The following GARRE1 variants were observed in gnomAD, a reference collection of about 807,000 sequenced individuals.
The protein encoded by GARRE1 is granule associated Rac and RHOG effector protein 1.
A neutral mutation model predicts 103.2 loss-of-function variants in GARRE1; 49 were observed. The observed-to-expected ratio is 0.47, with a 90% CI of 0.38 to 0.60. GARRE1 has a LOEUF of 0.60. Among genes scored for constraint, GARRE1 ranks in the 20% least tolerant of loss-of-function variants. GARRE1 has a pLI of 0.00. For synonymous variants in GARRE1, 505 were observed against 532.8 expected, an observed-to-expected ratio of 0.95 and a Z score of 0.72; for missense variants, 1,199 against 1,370.5, an observed-to-expected ratio of 0.87 and a Z score of 1.98.
At chr19:34,325,495 T>C (rs1259356776) in intron 3 of GARRE1, among the ~76,000 whole-genome samples, 1 of 152,184 alleles carries the variant, frequency 6.6e-6, no homozygotes. Context: ...TCCTTCAGCA[T>C]TTCCGTCATG....
At chr19:34,283,798 A>G (rs1180155240) in intron 1 of GARRE1, among the ~76,000 whole-genome samples, 1 of 149,888 alleles carries the variant, frequency 6.7e-6, no homozygotes, top group Non-Finnish European at 1.5e-5. Flanking sequence ...ATCCTCTAAT[A>G]CTGAGTCTTC....
rs200784438 is a variant in GARRE1 at position 34,339,988 on chromosome 19, G to A, written c.1483G>A (p.Gly495Arg). The A allele has an allele frequency of 2.2e-5, 35 of 1,614,188 alleles. No homozygotes were observed. In the African/African-American group the frequency reaches 3.9e-4, roughly 18 times the overall value. The change falls in exon 9 of 14, where the codon GGA (glycine) becomes AGA (arginine). Residue 495 changes from glycine (G) to arginine (R), a missense_variant. Physicochemically the swap from Gly to Arg is moderately radical, Grantham distance 125. Transcript: ENST00000299505. ...GCTGGACCTAAACCGCTGGAGGGCTGGAAGGTTGGTGTCTGTGGTTTGCAT... is the reference window on the plus strand; with the variant it reads ...GCTGGACCTAAACCGCTGGAGGGCTAGAAGGTTGGTGTCTGTGGTTTGCAT... ...AVLDLNRWRA[G>R]REQALPCIQI... is the part of the protein sequence containing the mutation.
intron 1 of GARRE1, among the ~76,000 whole-genome samples, chr19:34,296,995 T>G (rs920808427): frequency 5.9e-5 from 9 of 151,986 alleles, no homozygotes; most frequent in Non-Finnish European, 1.0e-4. Context: ...AAAAGGTAAT[T>G]GAAATTTTGA....
chr19:34,304,360 C>T (rs1485574031), intron 2 of GARRE1, among the ~76,000 whole-genome samples: 5 of 149,970 alleles, frequency 3.3e-5, no homozygotes, highest in Admixed American at 6.7e-5. Context: ...CCACCGTGCT[C>T]GGCCATCTTT....
At chr19:34,296,779 C>G (rs969418550) in intron 1 of GARRE1, among the ~76,000 whole-genome samples, 1 of 152,152 alleles carries the variant, frequency 6.6e-6, no homozygotes, top group African/African-American at 2.4e-5. Flanking sequence ...GCACCTAGAA[C>G]TGGAACCCTC....
At chr19:34,273,797 C>T (rs1362842429) in intron 1 of GARRE1, among the ~76,000 whole-genome samples, 2 of 152,062 alleles carry the variant, frequency 1.3e-5, no homozygotes, top group African/African-American at 4.8e-5. Context: ...TGAGAGTGAG[C>T]CAAGAGAGCT....
intron 5 of GARRE1, 50 bp downstream of exon 5, chr19:34,327,916 A>T: frequency 6.2e-7 from 1 of 1,613,028 alleles, no homozygotes; most frequent in Non-Finnish European, 8.5e-7. Flanking sequence ...CTGCTCCTGC[A>T]GTCTAGTGTG....
At chr19:34,319,773 T>G in intron 2 of GARRE1, 134 bp from the exon 3 acceptor site, 1 of 744,838 alleles carries the variant, frequency 1.3e-6, no homozygotes, top group Non-Finnish European at 2.3e-6. Flanking sequence ...TGAAGCATGG[T>G]GGCCTTTTAA....
chr19:34,315,571 C>T (rs2074056117), intron 2 of GARRE1, among the ~76,000 whole-genome samples: 1 of 151,956 alleles, frequency 6.6e-6, no homozygotes, highest in African/African-American at 2.4e-5. Context: ...ATTAGCCTGG[C>T]GTGGTGGTGG....
chr19:34,266,004 T>C (rs1028198410), intron 1 of GARRE1, among the ~76,000 whole-genome samples: 1 of 152,196 alleles, frequency 6.6e-6, no homozygotes, highest in African/African-American at 2.4e-5. Flanking sequence ...TTCTTTGTAT[T>C]GGAGCATCTA....
At chr19:34,309,064 A>G (rs114166573) in intron 2 of GARRE1, among the ~76,000 whole-genome samples, 1 of 143,280 alleles carries the variant, frequency 7.0e-6, no homozygotes, top group Admixed American at 7.4e-5. Context: ...ATAATATTCT[A>G]CTTCTCCCTC....
At chr19:34,296,690 G>C in intron 1 of GARRE1, 1 of 817,298 alleles carries the variant, frequency 1.2e-6, no homozygotes, top group Non-Finnish European at 2.0e-6. Context: ...TAGCATTTCT[G>C]TGCCATTTTC....
intron 1 of GARRE1, among the ~76,000 whole-genome samples, chr19:34,263,363 G>GT (rs1327181610): frequency 2.0e-5 from 3 of 152,006 alleles, no homozygotes; most frequent in African/African-American, 7.2e-5. Context: ...AGAAACAGTG[G>GT]TTGTTTTTGG....
intron 2 of GARRE1, among the ~76,000 whole-genome samples, chr19:34,312,052 G>A (rs983340357): frequency 1.3e-5 from 2 of 152,102 alleles, no homozygotes; most frequent in Non-Finnish European, 2.9e-5. Context: ...CTGGGCTTAA[G>A]CGATCCTCCT....
intron 1 of GARRE1, among the ~76,000 whole-genome samples, chr19:34,295,193 G>T (rs889062816): frequency 3.9e-5 from 6 of 152,138 alleles, no homozygotes; most frequent in Non-Finnish European, 8.8e-5. Context: ...CAGTCTTCTG[G>T]TCTTCAATGT....
At chr19:34,258,002 GC>G (rs1248944840) in intron 1 of GARRE1, among the ~76,000 whole-genome samples, 1 of 150,470 alleles carries the variant, frequency 6.6e-6, no homozygotes, top group African/African-American at 2.4e-5. Context: ...CGAGTCTCCT[GC>G]CTCAGCCTCC....
At chr19:34,307,762 G>GTA (rs1221514320) in intron 2 of GARRE1, among the ~76,000 whole-genome samples, 10 of 125,698 alleles carry the variant, frequency 8.0e-5, no homozygotes, top group East Asian at 2.2e-4. Context: ...TACATATATA[G>GTA]TATATATATA....
intron 9 of GARRE1, among the ~76,000 whole-genome samples, chr19:34,340,706 G>C (rs1835737663): frequency 6.6e-6 from 1 of 152,024 alleles, no homozygotes; most frequent in Admixed American, 6.6e-5. Context: ...TATTTTTCAT[G>C]AAGATGGGGT....
intron 1 of GARRE1, among the ~76,000 whole-genome samples, chr19:34,286,449 G>T: frequency 6.6e-6 from 1 of 151,644 alleles, no homozygotes; most frequent in Non-Finnish European, 1.5e-5. Context: ...TCGATCTCCT[G>T]ACCTCTTGAT....
Sources: allele counts gnomAD v4.1 joint callset (sites outside exome capture counted in the v4.1 genomes callset), GRCh38; gene constraint gnomAD v4.1.1; transcripts MANE v1.5; gene names NCBI Gene and HGNC (gene_info 2026-07-23, HGNC 2026-07-21).